Variants in AMOTL1 observed in about 807,000 individuals in gnomAD.
AMOTL1 encodes angiomotin-like protein 1.
In AMOTL1, 45 loss-of-function variants were observed where a neutral mutation model predicts 102.9. The observed-to-expected ratio is 0.44, with a 90% CI of 0.34 to 0.56. The LOEUF is 0.56. Among genes scored for constraint, AMOTL1 ranks in the 20% least tolerant of loss-of-function variants. The probability of loss-of-function intolerance (pLI) is 0.01; values close to 1 mark genes in which losing one functional copy is unlikely to be tolerated. For synonymous variants in AMOTL1, 481 were observed against 484.7 expected, an observed-to-expected ratio of 0.99 and a Z score of 0.10; for missense variants, 1,114 against 1,225.6, an observed-to-expected ratio of 0.91 and a Z score of 1.36.
intron 3 of AMOTL1, among the ~76,000 whole-genome samples, chr11:94,805,766 T>G (rs1316279306): frequency 1.3e-5 from 2 of 152,196 alleles, no homozygotes; most frequent in African/African-American, 4.8e-5. Flanking sequence ...GGTATGTAGA[T>G]AGATATTTTA....
Position 94,742,141 on chromosome 11 carries a change from C to T in AMOTL1, c.136+1153C>T, listed in dbSNP as rs192217477. ...CAGAGGATGTGTTTCTGACAAGTTG[C>T]GAGGCAATCACATCTCTATCAGTGG... On this transcript the variant is annotated intron_variant, in intron 3 of 4. Coordinates refer to the AMOTL1 transcript ENST00000299004. 9.2e-5 allele frequency among the ~76,000 whole-genome samples: 14 copies of T among 152,278 alleles called. No individual in the cohort carries two copies. The East Asian group carries it at 2.1e-3, about 23-fold the overall frequency.
intron 6 of AMOTL1, among the ~76,000 whole-genome samples, chr11:94,835,242 G>T (rs1952153746): frequency 6.6e-6 from 1 of 152,142 alleles, no homozygotes; most frequent in South Asian, 2.1e-4. Flanking sequence ...TGAAAACCAG[G>T]GCCTCTAGCC....
intron 1 of AMOTL1, among the ~76,000 whole-genome samples, chr11:94,716,457 T>C (rs567695571): frequency 1.3e-5 from 2 of 152,288 alleles, no homozygotes; most frequent in Middle Eastern, 6.8e-3. Context: ...AGAACATGCT[T>C]CATACTACTT....
intron 2 of AMOTL1, among the ~76,000 whole-genome samples, chr11:94,739,093 T>TA (rs1391496953): frequency 2.0e-5 from 3 of 152,172 alleles, no homozygotes; most frequent in Non-Finnish European, 4.4e-5. Context: ...AGAGGATCCA[T>TA]AGATGGCTGA....
chr11:94,810,705 G>A (rs970052308), intron 3 of AMOTL1, among the ~76,000 whole-genome samples: 4 of 151,838 alleles, frequency 2.6e-5, no homozygotes, highest in African/African-American at 9.7e-5. Flanking sequence ...CCCTTATGCA[G>A]CAGAGTGTGG....
intron 6 of AMOTL1, among the ~76,000 whole-genome samples, chr11:94,833,355 C>T (rs1286393488): frequency 6.6e-6 from 1 of 152,172 alleles, no homozygotes; most frequent in Non-Finnish European, 1.5e-5. Context: ...GGGATGGACT[C>T]AAGATGTTAT....
intron 3 of AMOTL1, among the ~76,000 whole-genome samples, chr11:94,743,870 G>A (rs139718622): frequency 0.015 from 2,220 of 151,896 alleles, 31 homozygotes; most frequent in Non-Finnish European, 0.021. Flanking sequence ...TGTTAGCCAG[G>A]CTGGTCTCGA....
rs868534442 is a variant in AMOTL1, at chr11:94,809,525, G to C, written c.1121+9214G>C. On this transcript the variant is annotated intron_variant, in intron 3 of 12. Coordinates refer to ENST00000433060, the MANE Select transcript of AMOTL1 (RefSeq NM_130847.3). ...CTGTGATTCCTCACACGGGCTGTAG[G>C]GACAGGGACTGTGATTCTTAGCTCA... 2.0e-5 allele frequency among the ~76,000 whole-genome samples: 3 copies of C among 152,336 alleles called. 1 individual carries two copies. In the Middle Eastern group the frequency reaches 0.01, roughly 518 times the overall value.
chr11:94,837,060 T>C (rs1952199610), intron 6 of AMOTL1, among the ~76,000 whole-genome samples: 1 of 152,190 alleles, frequency 6.6e-6, no homozygotes, highest in African/African-American at 2.4e-5. Flanking sequence ...GGTGACATCA[T>C]TTTGATCAAG....
intron 4 of AMOTL1, 64 bp downstream of exon 4, chr11:94,821,885 G>T: frequency 6.4e-7 from 1 of 1,574,236 alleles, no homozygotes; most frequent in Non-Finnish European, 8.6e-7. Context: ...GGGAGTTGAT[G>T]CACTGACTGA....
intron 3 of AMOTL1, among the ~76,000 whole-genome samples, chr11:94,801,132 C>T (rs1187549033): frequency 6.6e-6 from 1 of 152,138 alleles, no homozygotes; most frequent in Non-Finnish European, 1.5e-5. Flanking sequence ...GTATAACTCA[C>T]AACTGGAGGG....
intron 6 of AMOTL1, among the ~76,000 whole-genome samples, chr11:94,835,551 A>G (rs552279157): frequency 2.4e-4 from 36 of 152,330 alleles, no homozygotes; most frequent in African/African-American, 8.2e-4. Flanking sequence ...AACTGGTGGA[A>G]ATGAAATTTC....
chr11:94,740,690 GCGCGCCTGAC>G (rs1950508479), intron 2 of AMOTL1, among the ~76,000 whole-genome samples: 1 of 152,008 alleles, frequency 6.6e-6, no homozygotes, highest in Admixed American at 6.6e-5. Context: ...GAAAGTTGGC[GCGCGCCTGAC>G]CGCGCCTGGA....
At chr11:94,805,154 G>A (rs908261123) in intron 3 of AMOTL1, among the ~76,000 whole-genome samples, 2 of 152,176 alleles carry the variant, frequency 1.3e-5, no homozygotes, top group African/African-American at 4.8e-5. Flanking sequence ...GCTTTCACTT[G>A]GGGTCACTAA....
chr11:94,764,220 TGTA>T (rs143859610), upstream of AMOTL1, among the ~76,000 whole-genome samples: 2,011 of 152,296 alleles, frequency 0.013, 45 homozygotes, highest in African/African-American at 0.046. Context: ...TACACTCTGA[TGTA>T]GTAAATACTT....
chr11:94,870,929 A>G lies in AMOTL1; in HGVS notation c.*134A>G. 1.5e-6 allele frequency: 1 copy of G among 646,150 alleles called. No individual in the cohort carries two copies. Among genetic ancestry groups the G allele is most frequent in the Non-Finnish European group, 2.5e-6 (1 of 401,616 alleles). 40.0% of individuals were successfully genotyped at this position (646,150 alleles called of 1,614,324 possible). On this transcript the variant is annotated 3_prime_UTR_variant, in exon 13 of 13. Coordinates refer to ENST00000433060, the MANE Select transcript of AMOTL1 (RefSeq NM_130847.3). ...CTGATAAAGATTTCAGACTCATAAG[A>G]ACACATTTTATAAATGTTAAACACA...
chr11:94,781,295 G>A (rs1951107777), intron 1 of AMOTL1, among the ~76,000 whole-genome samples: 1 of 152,142 alleles, frequency 6.6e-6, no homozygotes, highest in Non-Finnish European at 1.5e-5. Flanking sequence ...TTCAAGCAGT[G>A]CTTTATATCA....
intron 3 of AMOTL1, among the ~76,000 whole-genome samples, chr11:94,755,685 G>C (rs1046437451): frequency 2.6e-5 from 4 of 151,958 alleles, no homozygotes; most frequent in African/African-American, 9.7e-5. Flanking sequence ...TCAGTGCCTC[G>C]CTGCTCAAAC....
intron 3 of AMOTL1, among the ~76,000 whole-genome samples, chr11:94,808,289 TC>T (rs1951601227): frequency 6.6e-6 from 1 of 152,068 alleles, no homozygotes; most frequent in Admixed American, 6.6e-5. Context: ...TACCCTCCTC[TC>T]ACATGTAAAT....
Sources: allele counts gnomAD v4.1 joint callset (sites outside exome capture counted in the v4.1 genomes callset), GRCh38; gene constraint gnomAD v4.1.1; transcripts MANE v1.5; gene names NCBI Gene and HGNC (gene_info 2026-07-23, HGNC 2026-07-21).